RHOBTB1: variants seen among roughly 807,000 people sequenced by gnomAD.
RHOBTB1 encodes the protein rho-related BTB domain-containing protein 1.
Under a neutral mutation model 71.6 loss-of-function variants are expected in RHOBTB1, and 40 were observed. That is an observed-to-expected ratio of 0.56 (90% CI 0.43 to 0.73). RHOBTB1 has a LOEUF of 0.73. RHOBTB1 is among the 30% of genes least tolerant of loss of function. The pLI, the probability that RHOBTB1 is intolerant of heterozygous loss-of-function variation, is 0.00. For missense variants in RHOBTB1, 797 were observed against 894.0 expected (o/e 0.89, Z 1.38); for synonymous variants, 319 against 334.9 (o/e 0.95, Z 0.52).
intron 2 of RHOBTB1, among the ~76,000 whole-genome samples, chr10:60,925,475 A>G (rs1159815636): frequency 1.3e-5 from 2 of 152,192 alleles, no homozygotes; most frequent in Non-Finnish European, 2.9e-5. Context: ...CCTATATCGA[A>G]AAAGTAGAAA....
chr10:60,933,745 A>G (rs1333296144), intron 2 of RHOBTB1, among the ~76,000 whole-genome samples: 1 of 152,138 alleles, frequency 6.6e-6, no homozygotes, highest in Non-Finnish European at 1.5e-5. Context: ...CTATTTGTGG[A>G]AACAAAAATA....
chr10:60,939,822 A>G (rs2084804908), intron 2 of RHOBTB1, among the ~76,000 whole-genome samples: 1 of 152,242 alleles, frequency 6.6e-6, no homozygotes. Flanking sequence ...TAAGTCATGC[A>G]TACTAACCAA....
At chr10:60,908,449 A>G (rs1047401096) in intron 4 of RHOBTB1, among the ~76,000 whole-genome samples, 1 of 152,238 alleles carries the variant, frequency 6.6e-6, no homozygotes, top group African/African-American at 2.4e-5. Context: ...TAAGTACAGT[A>G]AAAATGTCAG....
intron 8 of RHOBTB1, among the ~76,000 whole-genome samples, chr10:60,876,892 G>A (rs1227307398): frequency 1.3e-5 from 2 of 152,178 alleles, no homozygotes; most frequent in Non-Finnish European, 2.9e-5. Flanking sequence ...GTGCAGATAG[G>A]ACTGGTTGGT....
Position 60,899,283 on chromosome 10 carries a change from C to T in RHOBTB1, c.297-6288G>A, listed in dbSNP as rs531187744. 3.3e-4 allele frequency among the ~76,000 whole-genome samples: 51 copies of T among 152,336 alleles called. No homozygotes were observed. In the South Asian group the frequency reaches 9.7e-3, roughly 29 times the overall value. On this transcript the variant is annotated intron_variant, in intron 4 of 10. Transcript: ENST00000337910. ...GCAGGAGGCACTGAAGTAAAGAAGGCTTGCTAAACAGACGAAGGTGAAATT... is the reference window on the plus strand; with the variant it reads ...GCAGGAGGCACTGAAGTAAAGAAGGTTTGCTAAACAGACGAAGGTGAAATT...
At chr10:60,960,563 G>A (rs2085743849) in intron 2 of RHOBTB1, among the ~76,000 whole-genome samples, 1 of 152,176 alleles carries the variant, frequency 6.6e-6, no homozygotes, top group Non-Finnish European at 1.5e-5. Flanking sequence ...GAACTATTTG[G>A]TTGGATGGAA....
intron 7 of RHOBTB1, among the ~76,000 whole-genome samples, chr10:60,880,055 T>G (rs1405741328): frequency 6.6e-6 from 1 of 152,108 alleles, no homozygotes; most frequent in Non-Finnish European, 1.5e-5. Flanking sequence ...TACAGGAGGA[T>G]GTGCACAGAT....
intron 2 of RHOBTB1, among the ~76,000 whole-genome samples, chr10:60,964,159 T>C (rs556206329): frequency 6.6e-6 from 1 of 152,108 alleles, no homozygotes; most frequent in Non-Finnish European, 1.5e-5. Flanking sequence ...ATATAACGCA[T>C]GCAACGTTAT....
In RHOBTB1 at chr10:60,888,258, C is replaced by T. The variant is rs150753664; in HGVS notation, c.1410G>A (p.Arg470=). 8.7e-6 allele frequency: 14 copies of T among 1,614,048 alleles called. 1 individual carries two copies. In the Middle Eastern group the frequency reaches 6.6e-4, roughly 76 times the overall value. The change falls in exon 6 of 11, where the codon AGG becomes AGA. Residue 470 remains arginine (R), a synonymous_variant. Transcript: ENST00000337910. ...NQEITKAFHV[R]KANRIKECLS... ...GACACTCTTTTATCCGATTGGCTTTCCTTACGTGAAAGGCTTTCGTAATCT... is the reference window on the plus strand; with the variant it reads ...GACACTCTTTTATCCGATTGGCTTTTCTTACGTGAAAGGCTTTCGTAATCT...
downstream of RHOBTB1, among the ~76,000 whole-genome samples, chr10:60,867,080 T>C (rs61853324): frequency 0.045 from 6,924 of 152,230 alleles, 290 homozygotes; most frequent in East Asian, 0.17. Context: ...ATGGGTGCCT[T>C]ACCTAAGTCA....
At chr10:60,913,067 T>C (rs566559455) in intron 2 of RHOBTB1, 3 of 152,200 alleles carry the variant, frequency 2.0e-5, no homozygotes, top group African/African-American at 7.2e-5. Flanking sequence ...GTTTAATTCA[T>C]CTGATTGAGA....
At chr10:60,867,323 G>T (rs2080639048), downstream of RHOBTB1, among the ~76,000 whole-genome samples, 1 of 152,216 alleles carries the variant, frequency 6.6e-6, no homozygotes, top group African/African-American at 2.4e-5. Context: ...CAAGTGGAAA[G>T]AAATGAATCA....
upstream of RHOBTB1, among the ~76,000 whole-genome samples, chr10:60,944,712 C>T (rs1024563130): frequency 6.6e-6 from 1 of 152,204 alleles, no homozygotes; most frequent in South Asian, 2.1e-4. Flanking sequence ...CGAGGGAGGA[C>T]ATTGGCTTTT....
At chr10:60,999,754 C>A (rs1486132958) in intron 1 of RHOBTB1, among the ~76,000 whole-genome samples, 1 of 152,198 alleles carries the variant, frequency 6.6e-6, no homozygotes, top group East Asian at 1.9e-4. Context: ...GCATGCCCTC[C>A]CTGTTAGGGA....
At chr10:60,892,754 C>T (rs940196347) in intron 5 of RHOBTB1, 56 bp downstream of exon 5, 34 of 1,471,052 alleles carry the variant, frequency 2.3e-5, no homozygotes, top group South Asian at 6.5e-5. Flanking sequence ...GAGACACCTG[C>T]TGCCTGTAAA....
At chr10:60,963,171 A>G (rs769053685) in intron 2 of RHOBTB1, among the ~76,000 whole-genome samples, 6 of 152,124 alleles carry the variant, frequency 3.9e-5, no homozygotes, top group Non-Finnish European at 7.4e-5. Context: ...AATGTTCTCA[A>G]AGCCACTCAT....
rs773844848 is a variant in RHOBTB1, at chr10:60,871,577, C to T, written c.1996G>A (p.Val666Met). The T allele has an allele frequency of 3.1e-6, 5 of 1,614,028 alleles. No homozygotes were observed. Among genetic ancestry groups the T allele is most frequent in the Non-Finnish European group, 4.2e-6 (5 of 1,180,016 alleles). The change falls in exon 11 of 11, where the codon GTG becomes ATG. Residue 666 changes from valine to methionine, a missense_variant. Physicochemically the swap from Val to Met is conservative, Grantham distance 21 (BLOSUM62 1). Transcript: ENST00000337910. ...YLKEEDHYQR[V>M]KREREKEDIA... is the part of the protein sequence containing the mutation. Reference sequence around the variant, plus strand: ...TCTTCCTTCTCTCGTTCCCTTTTCACACGCTGGTAGTGATCTTCTTCCTTC... The same window carrying T: ...TCTTCCTTCTCTCGTTCCCTTTTCATACGCTGGTAGTGATCTTCTTCCTTC...
At chr10:60,962,059 C>T (rs1033822770) in intron 2 of RHOBTB1, among the ~76,000 whole-genome samples, 7 of 151,966 alleles carry the variant, frequency 4.6e-5, no homozygotes, top group African/African-American at 1.2e-4. Flanking sequence ...CCGCCGGCCT[C>T]GGCCTCTTAA....
chr10:60,962,510 T>C (rs1443472456), intron 2 of RHOBTB1, among the ~76,000 whole-genome samples: 1 of 152,184 alleles, frequency 6.6e-6, no homozygotes, highest in Admixed American at 6.5e-5. Flanking sequence ...GTATGCTCTT[T>C]ATACAAAATA....
Sources: gnomAD v4.1 joint callset for allele counts (sites outside exome capture counted in the v4.1 genomes callset) on GRCh38, gnomAD v4.1.1 for gene constraint, MANE v1.5 for transcripts, NCBI Gene and HGNC (gene_info 2026-07-23, HGNC 2026-07-21) for gene names.